The following VRK2 variants were observed in gnomAD, a reference collection of about 807,000 sequenced individuals.
VRK2 encodes the protein VRK serine/threonine kinase 2, also known as serine/threonine-protein kinase VRK2.
A neutral mutation model predicts 57.6 loss-of-function variants in VRK2; 60 were observed. That is an observed-to-expected ratio of 1.04 (90% confidence interval 0.85 to 1.29). The LOEUF (loss-of-function observed/expected upper bound fraction) is 1.29, where lower values mean the gene tolerates loss of function less well. Ranked by LOEUF, VRK2 falls within the 50% of genes most tolerant of loss-of-function variation. The pLI, the probability that VRK2 is intolerant of heterozygous loss-of-function variation, is 0.00. For missense variants in VRK2, 705 were observed against 588.1 expected (o/e 1.20, Z -2.06); for synonymous variants, 231 against 199.2 (o/e 1.16, Z -1.35).
At chr2:58,081,813 CATCTT>C (rs889533461) in intron 2 of VRK2, among the ~76,000 whole-genome samples, 21 of 150,668 alleles carry the variant, frequency 1.4e-4, no homozygotes, top group Admixed American at 4.0e-4. Context: ...TAATCCAAGA[CATCTT>C]AGATTTCTCC....
chr2:58,009,850 T>C (rs1236203153), intron 1 of VRK2, among the ~76,000 whole-genome samples: 1 of 152,090 alleles, frequency 6.6e-6, no homozygotes, highest in Non-Finnish European at 1.5e-5. Flanking sequence ...CTCCATACTG[T>C]TTTTTTCTCC....
chr2:58,046,110 G>C (rs148858150), upstream of VRK2, among the ~76,000 whole-genome samples: 1,809 of 152,286 alleles, frequency 0.012, 30 homozygotes, highest in African/African-American at 0.039. Flanking sequence ...CTCCCAACGT[G>C]CTGGGAGTAC....
At chr2:58,110,023 T>C (rs968236392) in intron 7 of VRK2, among the ~76,000 whole-genome samples, 2 of 152,208 alleles carry the variant, frequency 1.3e-5, no homozygotes, top group Non-Finnish European at 2.9e-5. Context: ...CAGGCTTAAC[T>C]AAGTGTAGAA....
At chr2:58,015,256 T>C (rs1217444737) in intron 1 of VRK2, among the ~76,000 whole-genome samples, 4 of 152,220 alleles carry the variant, frequency 2.6e-5, no homozygotes, top group African/African-American at 9.6e-5. Context: ...CCTTCTTCAC[T>C]TGTTTGTGTG....
chr2:58,137,018 C>A (rs1377578269), intron 10 of VRK2, among the ~76,000 whole-genome samples: 19 of 126,358 alleles, frequency 1.5e-4, no homozygotes, highest in East Asian at 4.4e-4. Context: ...TTATATATAT[C>A]TCATATGTGT....
chr2:57,961,122 T>A (rs914787649), intron 1 of VRK2, among the ~76,000 whole-genome samples: 4 of 152,172 alleles, frequency 2.6e-5, no homozygotes, highest in Non-Finnish European at 4.4e-5. Flanking sequence ...TGTATTAATA[T>A]CTCAGGAAGT....
intron 2 of VRK2, among the ~76,000 whole-genome samples, chr2:58,061,912 G>A (rs1445722887): frequency 6.6e-6 from 1 of 152,008 alleles, no homozygotes; most frequent in Non-Finnish European, 1.5e-5. Context: ...CCTGTCCCAT[G>A]TTTCAACCTT....
At chr2:57,982,276 C>T (rs756430249) in intron 1 of VRK2, among the ~76,000 whole-genome samples, 18 of 152,232 alleles carry the variant, frequency 1.2e-4, no homozygotes, top group South Asian at 4.1e-4. Context: ...TGAGGTATTC[C>T]CAGTTTGCTG....
At chr2:57,974,415 A>G (rs930756811) in intron 1 of VRK2, among the ~76,000 whole-genome samples, 3 of 151,952 alleles carry the variant, frequency 2.0e-5, no homozygotes, top group Admixed American at 6.6e-5. Context: ...GGATTTTTTT[A>G]TAAATTGTCT....
At chr2:57,973,330 A>G (rs547489588) in intron 1 of VRK2, among the ~76,000 whole-genome samples, 1 of 151,938 alleles carries the variant, frequency 6.6e-6, no homozygotes, top group Non-Finnish European at 1.5e-5. Flanking sequence ...TATAAAAAGT[A>G]TGATCTCTTA....
rs143981065 is a variant in VRK2, at chr2:58,158,187, T to C, written c.1183-1162T>C. 2.6e-4 allele frequency among the ~76,000 whole-genome samples: 40 copies of C among 152,310 alleles called. 1 individual carries two copies. The highest frequency in any genetic ancestry group is 2.5e-3 in the East Asian group (13 of 5,186). ...AATGCTGCTCTATGATTTGATAGCA[T>C]AATTATTATTTGTATTATGCTTTAT... On this transcript the variant is annotated intron_variant, in intron 12 of 12. Transcript: ENST00000340157.
chr2:58,103,635 C>T (rs907262063), intron 7 of VRK2, among the ~76,000 whole-genome samples: 3 of 151,406 alleles, frequency 2.0e-5, no homozygotes, highest in African/African-American at 7.3e-5. Flanking sequence ...AGCCAGTAAC[C>T]AAATGGATTA....
At chr2:58,070,055 A>C (rs781033044) in intron 2 of VRK2, among the ~76,000 whole-genome samples, 31 of 152,046 alleles carry the variant, frequency 2.0e-4, no homozygotes, top group Non-Finnish European at 4.0e-4. Context: ...CTCATATACT[A>C]CCTCTTTCTC....
intron 7 of VRK2, among the ~76,000 whole-genome samples, chr2:58,095,636 T>C (rs1673028888): frequency 6.6e-6 from 1 of 152,244 alleles, no homozygotes; most frequent in Non-Finnish European, 1.5e-5. Context: ...ATTTACGGAA[T>C]TATTTGTGGT....
chr2:57,962,739 A>G (rs1201968806), intron 1 of VRK2, among the ~76,000 whole-genome samples: 3 of 152,220 alleles, frequency 2.0e-5, no homozygotes, highest in Non-Finnish European at 4.4e-5. Context: ...CTTATGGCAG[A>G]AATGTAAGAA....
chr2:58,127,047 C>T (rs1219675742), intron 8 of VRK2, among the ~76,000 whole-genome samples: 1 of 152,014 alleles, frequency 6.6e-6, no homozygotes, highest in Non-Finnish European at 1.5e-5. Flanking sequence ...CTTAATTTGA[C>T]ATCTTTGATG....
chr2:57,924,687 C>A (rs569564398), intron 1 of VRK2, among the ~76,000 whole-genome samples: 1 of 152,024 alleles, frequency 6.6e-6, no homozygotes, highest in East Asian at 1.9e-4. Context: ...CATTTAGATG[C>A]CCTTTACTTC....
chr2:58,018,524 T>C (rs972108665), intron 1 of VRK2, among the ~76,000 whole-genome samples: 2 of 152,220 alleles, frequency 1.3e-5, no homozygotes, highest in Non-Finnish European at 2.9e-5. Context: ...AGTTTTAAAA[T>C]TTATAAATGT....
chr2:58,036,660 A>G (rs981004771), intron 3 of VRK2, among the ~76,000 whole-genome samples: 8 of 151,946 alleles, frequency 5.3e-5, no homozygotes, highest in African/African-American at 1.7e-4. Flanking sequence ...AATCAAAAAA[A>G]TATGGTGTTG....
Sources: allele counts gnomAD v4.1 joint callset (sites outside exome capture counted in the v4.1 genomes callset), GRCh38; gene constraint gnomAD v4.1.1; transcripts MANE v1.5; gene names NCBI Gene and HGNC (gene_info 2026-07-23, HGNC 2026-07-21).